Variants in HHAT observed in about 807,000 individuals in gnomAD.
HHAT encodes the protein protein-cysteine N-palmitoyltransferase HHAT.
Under a neutral mutation model 70.8 loss-of-function variants are expected in HHAT, and 47 were observed. That is an observed-to-expected ratio of 0.66 (90% confidence interval 0.53 to 0.85). The LOEUF (loss-of-function observed/expected upper bound fraction) is 0.85, where lower values mean the gene tolerates loss of function less well. Ranked by LOEUF, HHAT falls within the 40% of genes least tolerant of loss-of-function variation. The pLI is 0.00. For missense variants in HHAT, 609 were observed against 604.8 expected (o/e 1.01, Z -0.07); for synonymous variants, 228 against 247.6 (o/e 0.92, Z 0.74).
intron 3 of HHAT, among the ~76,000 whole-genome samples, chr1:210,371,036 A>G (rs181079985): frequency 6.6e-6 from 1 of 152,358 alleles, no homozygotes; most frequent in East Asian, 1.9e-4. Context: ...AAGAAAATCT[A>G]GCATGGATGA....
intron 9 of HHAT, among the ~76,000 whole-genome samples, chr1:210,527,962 T>C (rs1481105987): frequency 1.3e-5 from 2 of 152,226 alleles, no homozygotes; most frequent in Non-Finnish European, 2.9e-5. Flanking sequence ...TCTAAACGCA[T>C]GAACCCATTC....
intron 3 of HHAT, among the ~76,000 whole-genome samples, chr1:210,369,089 A>C (rs61828659): frequency 0.041 from 6,268 of 152,062 alleles, 237 homozygotes; most frequent in Non-Finnish European, 0.055. Flanking sequence ...AAAAAAAAGA[A>C]AGAAAAAAAA....
At chr1:210,344,267 T>TATGTTATTGTTTCATTGAAACA (rs6143598) in intron 1 of HHAT, among the ~76,000 whole-genome samples, 7 of 151,944 alleles carry the variant, frequency 4.6e-5, no homozygotes, top group Non-Finnish European at 7.4e-5. Context: ...TTGTTGAAAC[T>TATGTTATTGTTTCATTGAAACA]ATGTTATTGT....
intron 6 of HHAT, among the ~76,000 whole-genome samples, chr1:210,410,856 C>T (rs994312450): frequency 2.6e-5 from 4 of 152,134 alleles, no homozygotes; most frequent in Non-Finnish European, 5.9e-5. Context: ...ATTTCTGTTG[C>T]TTGGAGCAGG....
intron 11 of HHAT, 21 bp downstream of exon 11, chr1:210,623,691 G>A: frequency 5.0e-6 from 8 of 1,607,958 alleles, no homozygotes; most frequent in African/African-American, 1.3e-5. Context: ...TGACAGTGCT[G>A]TTTTCAGTCA....
intron 8 of HHAT, among the ~76,000 whole-genome samples, chr1:210,512,838 A>C (rs2094983088): frequency 6.6e-6 from 1 of 152,152 alleles, no homozygotes; most frequent in South Asian, 2.1e-4. Flanking sequence ...GAGAGAGCTT[A>C]CACTTGCTGA....
chr1:210,666,473 ATTTTAT>A (rs1248555426), intron 11 of HHAT, among the ~76,000 whole-genome samples: 10 of 151,982 alleles, frequency 6.6e-5, no homozygotes, highest in Admixed American at 5.9e-4. Context: ...GTCCATCATT[ATTTTAT>A]TTTTATTTTT....
intron 10 of HHAT, among the ~76,000 whole-genome samples, chr1:210,592,306 A>G (rs1218541870): frequency 1.3e-5 from 2 of 151,786 alleles, no homozygotes; most frequent in Non-Finnish European, 2.9e-5. Context: ...CCCCCAGTGT[A>G]TGTTCTTGGC....
chr1:210,628,654 T>C (rs1478816540), intron 11 of HHAT, among the ~76,000 whole-genome samples: 1 of 152,248 alleles, frequency 6.6e-6, no homozygotes, highest in Non-Finnish European at 1.5e-5. Context: ...GGTAATTTTC[T>C]TATGCAGGTC....
At chr1:210,329,752 T>C (rs1558290450) in intron 1 of HHAT, among the ~76,000 whole-genome samples, 1 of 152,160 alleles carries the variant, frequency 6.6e-6, no homozygotes, top group Non-Finnish European at 1.5e-5. Context: ...TTTTTGTTGT[T>C]GTTTGTGTTT....
chr1:210,533,595 C>T (rs1023569685), intron 9 of HHAT, among the ~76,000 whole-genome samples: 2 of 152,296 alleles, frequency 1.3e-5, no homozygotes, highest in East Asian at 3.9e-4. Flanking sequence ...TCCATCCTAT[C>T]CTTGATGCAT....
intron 9 of HHAT, among the ~76,000 whole-genome samples, chr1:210,543,179 A>T (rs571867699): frequency 3.3e-4 from 51 of 152,274 alleles, no homozygotes; most frequent in African/African-American, 1.0e-3. Flanking sequence ...AGACATTTTT[A>T]AAAAAAGAAA....
At chr1:210,554,068 C>A (rs1480821518) in intron 9 of HHAT, among the ~76,000 whole-genome samples, 1 of 152,130 alleles carries the variant, frequency 6.6e-6, no homozygotes, top group African/African-American at 2.4e-5. Context: ...GGAACCGGGG[C>A]TGCTAGGTTA....
intron 9 of HHAT, among the ~76,000 whole-genome samples, chr1:210,556,024 T>A (rs1266420963): frequency 6.6e-6 from 1 of 152,222 alleles, no homozygotes; most frequent in Non-Finnish European, 1.5e-5. Context: ...AATTTTTTTT[T>A]AAGACAATTT....
At chr1:210,341,448 G>A (rs1054424115) in intron 1 of HHAT, among the ~76,000 whole-genome samples, 3 of 152,214 alleles carry the variant, frequency 2.0e-5, no homozygotes, top group Admixed American at 6.5e-5. Context: ...CTTTGGCAAG[G>A]TGTGCTGTAC....
At chr1:210,504,229 G>A (rs1219673915) in intron 8 of HHAT, among the ~76,000 whole-genome samples, 1 of 152,194 alleles carries the variant, frequency 6.6e-6, no homozygotes, top group African/African-American at 2.4e-5. Flanking sequence ...GAAGGTACTC[G>A]ATAAATATTT....
In HHAT at chr1:210,423,370, AATATCTGTTCAGATCATTAGCCC is replaced by A. The variant is rs1558487963; in HGVS notation, c.856+5048_856+5070del. On this transcript the variant is annotated intron_variant, in intron 7 of 11. Transcript: ENST00000261458. ...ATTTATTGACCATTTCTTTTGAGAA[AATATCTGTTCAGATCATTAGCCC>A]ATTTTTAAATCAGATTGTTTAGTTT... Among the ~76,000 whole-genome samples the A allele has an allele frequency of 2.6e-5, 4 of 152,268 alleles. No homozygotes were observed. The South Asian group carries it at 8.3e-4, about 32-fold the overall frequency.
chr1:210,376,765 G>T (rs2148097131), intron 3 of HHAT, among the ~76,000 whole-genome samples: 1 of 152,346 alleles, frequency 6.6e-6, no homozygotes, highest in East Asian at 1.9e-4. Context: ...ATGTATGGGA[G>T]AACTCCAGCA....
At chr1:210,669,666 T>TTAGATCCAG (rs1679688833) in intron 11 of HHAT, among the ~76,000 whole-genome samples, 1 of 152,264 alleles carries the variant, frequency 6.6e-6, no homozygotes, top group Non-Finnish European at 1.5e-5. Flanking sequence ...TGATCACCTG[T>TTAGATCCAG]TTAGATCTTG....
Sources: allele counts gnomAD v4.1 joint callset (sites outside exome capture counted in the v4.1 genomes callset), GRCh38; gene constraint gnomAD v4.1.1; transcripts MANE v1.5; gene names NCBI Gene and HGNC (gene_info 2026-07-23, HGNC 2026-07-21).